The following GLRA3 variants were observed in gnomAD, a reference collection of about 807,000 sequenced individuals.
GLRA3 encodes the protein glycine receptor subunit alpha-3.
In GLRA3, 44 loss-of-function variants were observed where a neutral mutation model predicts 60.4. The ratio of observed to expected loss-of-function variants is 0.73; its 90% confidence interval spans 0.57 to 0.94. The LOEUF (loss-of-function observed/expected upper bound fraction) is 0.94, where lower values mean the gene tolerates loss of function less well. Ranked by LOEUF, GLRA3 falls within the 40% of genes least tolerant of loss-of-function variation. The probability of loss-of-function intolerance (pLI) is 0.00; values close to 1 mark genes in which losing one functional copy is unlikely to be tolerated. For missense variants in GLRA3, 508 were observed against 564.6 expected (o/e 0.90, Z 1.02); for synonymous variants, 223 against 192.9 (o/e 1.16, Z -1.29).
At chr4:174,680,121 A>G (rs1043932408) in intron 6 of GLRA3, among the ~76,000 whole-genome samples, 1 of 152,194 alleles carries the variant, frequency 6.6e-6, no homozygotes, top group Non-Finnish European at 1.5e-5. Context: ...CTCCAAAAAC[A>G]TGTACAGCTA....
chr4:174,744,757 T>C (rs1189035256), intron 3 of GLRA3, among the ~76,000 whole-genome samples: 2 of 152,100 alleles, frequency 1.3e-5, no homozygotes, highest in Non-Finnish European at 2.9e-5. Flanking sequence ...CAAAGAAATA[T>C]GACGCCTTCA....
At chr4:174,787,942 C>G (rs1467850306) in intron 2 of GLRA3, among the ~76,000 whole-genome samples, 1 of 151,998 alleles carries the variant, frequency 6.6e-6, no homozygotes, top group Non-Finnish European at 1.5e-5. Flanking sequence ...TCACCCACTG[C>G]TAAGCATTTC....
At chr4:174,695,013 A>G (rs1221889055) in intron 5 of GLRA3, among the ~76,000 whole-genome samples, 2 of 152,144 alleles carry the variant, frequency 1.3e-5, no homozygotes, top group Admixed American at 6.5e-5. Context: ...CAGTTTCCCA[A>G]GAATAAGCCA....
intron 5 of GLRA3, among the ~76,000 whole-genome samples, chr4:174,691,699 T>C (rs940590010): frequency 6.6e-5 from 10 of 152,160 alleles, no homozygotes; most frequent in African/African-American, 2.4e-4. Flanking sequence ...CAGTGCTCAA[T>C]GGTGCCCAGG....
At chr4:174,701,183 T>G (rs1351831587) in intron 5 of GLRA3, among the ~76,000 whole-genome samples, 1 of 152,166 alleles carries the variant, frequency 6.6e-6, no homozygotes, top group African/African-American at 2.4e-5. Flanking sequence ...TAGGGGCTAA[T>G]GAAGCTGATG....
chr4:174,642,259 T>A lies in GLRA3; in HGVS notation c.*1527A>T. On this transcript the variant is annotated 3_prime_UTR_variant, in exon 10 of 10. Coordinates refer to ENST00000274093, the MANE Select transcript of GLRA3 (RefSeq NM_006529.4). ...GTAGTTTTTGCTTTTAATTTGAAAG[T>A]GGTTGAAGGGTAGAAAATAGCATCT... 1 of 934,494 alleles carries A rather than the reference T, an allele frequency of 1.1e-6. No homozygotes were observed. The highest frequency in any genetic ancestry group is 1.3e-6 in the Non-Finnish European group (1 of 783,760). 57.9% of individuals were successfully genotyped at this position (934,494 alleles called of 1,614,324 possible).
intron 1 of GLRA3, among the ~76,000 whole-genome samples, chr4:174,822,347 C>T (rs1740772665): frequency 6.6e-6 from 1 of 152,008 alleles, no homozygotes; most frequent in Admixed American, 6.6e-5. Context: ...AAATATAGGC[C>T]CAATTTTTAT....
At chr4:174,670,667 G>A (rs78195717) in intron 7 of GLRA3, among the ~76,000 whole-genome samples, 2,979 of 152,170 alleles carry the variant, frequency 0.02, 44 homozygotes, top group Middle Eastern at 0.071. Context: ...AATTTATGTA[G>A]CAGCCCTGTC....
intron 1 of GLRA3, among the ~76,000 whole-genome samples, chr4:174,827,432 T>A (rs375800859): frequency 6.6e-6 from 1 of 151,782 alleles, no homozygotes; most frequent in East Asian, 1.9e-4. Flanking sequence ...TCTAAGCCAT[T>A]AAGAAATATA....
At chr4:174,711,532 C>A (rs147818993) in intron 5 of GLRA3, among the ~76,000 whole-genome samples, 8 of 151,534 alleles carry the variant, frequency 5.3e-5, no homozygotes, top group Non-Finnish European at 1.0e-4. Flanking sequence ...CCCCACCTCC[C>A]GGGTTCAAGC....
intron 4 of GLRA3, among the ~76,000 whole-genome samples, chr4:174,723,733 T>C (rs1430940785): frequency 6.6e-6 from 1 of 152,022 alleles, no homozygotes; most frequent in Non-Finnish European, 1.5e-5. Flanking sequence ...GAATGAAATT[T>C]ATTTTATTTA....
chr4:174,804,629 T>C (rs960010691), intron 1 of GLRA3, among the ~76,000 whole-genome samples: 1 of 152,192 alleles, frequency 6.6e-6, no homozygotes, highest in East Asian at 1.9e-4. Flanking sequence ...CAAGGTTTGT[T>C]GTCCCATGTC....
In GLRA3 at chr4:174,642,204, A is replaced by G. The variant is rs929820952; in HGVS notation, c.*1582T>C. ...TTACAATTGTATAAGCTGATGTACA[A>G]TAACATTGTAAAGGTTTTAGTTTTA... On this transcript the variant is annotated 3_prime_UTR_variant, in exon 10 of 10. Transcript: ENST00000274093. 3 of 872,630 alleles carry G rather than the reference A, an allele frequency of 3.4e-6. No homozygotes were observed. The highest frequency in any genetic ancestry group is 4.1e-6 in the Non-Finnish European group (3 of 727,130). 54.1% of individuals were successfully genotyped at this position (872,630 alleles called of 1,614,324 possible).
At chr4:174,792,943 C>T (rs1166770967) in intron 1 of GLRA3, among the ~76,000 whole-genome samples, 3 of 152,096 alleles carry the variant, frequency 2.0e-5, no homozygotes, top group East Asian at 1.9e-4. Flanking sequence ...GTTGTCACCA[C>T]GGAGCTGAAG....
At chr4:174,773,046 C>T (rs530074135) in intron 2 of GLRA3, among the ~76,000 whole-genome samples, 7 of 152,236 alleles carry the variant, frequency 4.6e-5, no homozygotes, top group African/African-American at 9.6e-5. Flanking sequence ...GTGTAGAGAA[C>T]GAAGCTCAGA....
chr4:174,674,625 A>G (rs1306918881), intron 7 of GLRA3, among the ~76,000 whole-genome samples: 1 of 152,188 alleles, frequency 6.6e-6, no homozygotes, highest in Non-Finnish European at 1.5e-5. Context: ...GTATTGACAC[A>G]GAGCCTAGAC....
chr4:174,733,850 G>T (rs1268219747), intron 3 of GLRA3, among the ~76,000 whole-genome samples: 2 of 152,046 alleles, frequency 1.3e-5, no homozygotes, highest in African/African-American at 2.4e-5. Flanking sequence ...GAGTCTCCCT[G>T]TTTCTTCTGT....
chr4:174,760,740 G>T (rs749108668), intron 3 of GLRA3, among the ~76,000 whole-genome samples: 7 of 152,040 alleles, frequency 4.6e-5, no homozygotes, highest in Non-Finnish European at 8.8e-5. Flanking sequence ...GGCTGGTCTT[G>T]AACTCCTGAC....
intron 7 of GLRA3, among the ~76,000 whole-genome samples, chr4:174,665,767 T>C (rs983595198): frequency 6.6e-6 from 1 of 152,160 alleles, no homozygotes; most frequent in African/African-American, 2.4e-5. Flanking sequence ...TTATGCATTT[T>C]TGTATCTCTA....
Sources: allele counts gnomAD v4.1 joint callset (sites outside exome capture counted in the v4.1 genomes callset), GRCh38; gene constraint gnomAD v4.1.1; transcripts MANE v1.5; gene names NCBI Gene and HGNC (gene_info 2026-07-23, HGNC 2026-07-21).